CACNA1C: variants seen among roughly 807,000 people sequenced by gnomAD.
CACNA1C encodes voltage-dependent L-type calcium channel subunit alpha-1C.
A neutral mutation model predicts 229.0 loss-of-function variants in CACNA1C; 30 were observed. The ratio of observed to expected loss-of-function variants is 0.13; its 90% CI spans 0.10 to 0.18. The LOEUF (loss-of-function observed/expected upper bound fraction) is 0.18. Among genes scored for constraint, CACNA1C ranks in the 10% least tolerant of loss-of-function variants. The pLI is 1.00. For missense variants in CACNA1C, 1,658 were observed against 2,845.0 expected, an observed-to-expected ratio of 0.58 and a Z score of 9.49; for synonymous variants, 1,114 against 1,132.5, an observed-to-expected ratio of 0.98 and a Z score of 0.33.
In CACNA1C at chr12:2,679,671, C is replaced by G; in HGVS notation, c.5319C>G (p.Thr1773=). The change falls in exon 42 of 47, where the codon ACC becomes ACG. Residue 1773 remains threonine (T), a synonymous_variant. Transcript: ENST00000399655. This position sits in a 1 kb window ranked among gnomAD's most constrained non-coding sequence, Gnocchi z 5.5. ...SNANINNANN[T]ALGRLPRPAG... ...CCAACATCAACAACGCCAACAACAC[C>G]GCCCTGGGTCGCCTCCCTCGCCCCG... 6.2e-7 allele frequency: 1 copy of G among 1,613,602 alleles called. No individual in the cohort carries two copies. Among genetic ancestry groups the G allele is most frequent in the Non-Finnish European group, 8.5e-7 (1 of 1,179,696 alleles).
rs568343125 is a variant in CACNA1C, at chr12:2,661,314, C to A, written c.4233-3511C>A. On this transcript the variant is annotated intron_variant, in intron 34 of 46. Coordinates refer to ENST00000399655, the MANE Select transcript of CACNA1C (RefSeq NM_000719.7). ...ACACACACACACACACACACACACA[C>A]AAGATTTTTCTAAGAGTAGCAGACA... is the stretch of plus-strand genomic sequence containing the variant. Among the ~76,000 whole-genome samples, 16 of 143,828 alleles carry A rather than the reference C, an allele frequency of 1.1e-4. 1 individual carries two copies. Among genetic ancestry groups the A allele is most frequent in the African/African-American group, 4.1e-4 (16 of 39,152 alleles). The allele number at this position is 143,828 out of a possible 152,430, so 94.4% of individuals were successfully genotyped here. A position where few individuals can be genotyped will look rare whatever the true frequency, so the allele number is the denominator to read the frequency against.
chr12:2,407,183 C>T (rs1303219553), intron 3 of CACNA1C, among the ~76,000 whole-genome samples: 1 of 152,256 alleles, frequency 6.6e-6, no homozygotes, highest in African/African-American at 2.4e-5. Context: ...TAGACCTCCT[C>T]TGACACCACT....
At chr12:2,106,597 A>G (rs71454869) in intron 1 of CACNA1C, among the ~76,000 whole-genome samples, 32 of 80,422 alleles carry the variant, frequency 4.0e-4, no homozygotes, top group Admixed American at 5.6e-4. Context: ...CTCACCCTGG[A>G]GAGGGTTTCC....
chr12:2,112,749 A>G (rs1254465774), intron 1 of CACNA1C, among the ~76,000 whole-genome samples: 1 of 152,164 alleles, frequency 6.6e-6, no homozygotes, highest in Non-Finnish European at 1.5e-5. Flanking sequence ...GAGTGATGCC[A>G]TTCCCTGCCC....
chr12:2,559,411 T>C (rs1355641469), intron 11 of CACNA1C, among the ~76,000 whole-genome samples: 1 of 152,234 alleles, frequency 6.6e-6, no homozygotes, highest in Admixed American at 6.5e-5. Context: ...CAAACTGTGC[T>C]TTTCAACAAG....
In CACNA1C at chr12:2,608,217, T is replaced by C. The variant is rs1252447623; in HGVS notation, c.3357-294T>C. Among the ~76,000 whole-genome samples, 2 of 152,242 alleles carry C rather than the reference T, an allele frequency of 1.3e-5. No homozygotes were observed. Among genetic ancestry groups the C allele is most frequent in the African/African-American group, 4.8e-5 (2 of 41,460 alleles). ...ATCAATGTCCATGACTCATGTTACA[T>C]TTAAATAGCTCTTCACAGTTTCAAA... On this transcript the variant is annotated intron_variant, in intron 26 of 46. Transcript: ENST00000399655. The surrounding 1 kb of genome is among the most constrained non-coding windows in gnomAD (Gnocchi z 4.2).
intron 25 of CACNA1C, 58 bp from the exon 26 acceptor site, chr12:2,606,926 G>T (rs2075653223): frequency 6.3e-7 from 1 of 1,585,014 alleles, no homozygotes; most frequent in African/African-American, 1.3e-5. Flanking sequence ...TCACTGGCAG[G>T]CCAGGCGTGA....
At position 2,688,579 on chromosome 12, in the gene CACNA1C, C is replaced by A. The variant is rs774402582; in HGVS notation, c.5917C>A (p.Arg1973=). ...GCCCCCACAGCCCGTCCCCACCCTG[C>A]GGCTTGAGGGGGTCGAGTCCAGTGA... ...GWPPQPVPTL[R]LEGVESSEKL... The change falls in exon 46 of 47, where the codon CGG becomes AGG. Residue 1973 remains arginine, a synonymous_variant. Transcript: ENST00000399655. The A allele has an allele frequency of 4.0e-5, 65 of 1,613,870 alleles. No homozygotes were observed. Among genetic ancestry groups the A allele is most frequent in the Non-Finnish European group, 4.8e-5 (57 of 1,179,904 alleles).
rs887650945 is a variant in CACNA1C, at chr12:2,354,955, G to A, written c.478-94021G>A. 6.6e-6 allele frequency among the ~76,000 whole-genome samples: 1 copy of A among 151,902 alleles called. No homozygotes were observed. Among genetic ancestry groups the A allele is most frequent in the African/African-American group, 2.4e-5 (1 of 41,400 alleles). On this transcript the variant is annotated intron_variant, in intron 3 of 46. Coordinates refer to ENST00000399655, the MANE Select transcript of CACNA1C (RefSeq NM_000719.7). This position sits in a 1 kb window ranked among gnomAD's most constrained non-coding sequence, Gnocchi z 4.6. The stretch of plus-strand genomic sequence containing the variant: ...GGCTGAGCGACCTGAGTGAAATGAA[G>A]CCAAATCCTGGAGGTGCAGGTGTGA...
chr12:2,497,969 T>TCACACA (rs3058710), intron 7 of CACNA1C, among the ~76,000 whole-genome samples: 167 of 144,010 alleles, frequency 1.2e-3, no homozygotes, highest in South Asian at 3.5e-3. Flanking sequence ...TCTATTAAAT[T>TCACACA]CACACACACA....
At chr12:2,020,584 A>T (rs2046264454) in intron 1 of CACNA1C, 1 of 152,210 alleles carries the variant, frequency 6.6e-6, no homozygotes, top group East Asian at 1.9e-4. Context: ...AGAACTCTAG[A>T]TGCTGTAAAG....
intron 3 of CACNA1C, among the ~76,000 whole-genome samples, chr12:2,323,823 T>TGG (rs59375345): frequency 0.039 from 5,910 of 152,114 alleles, 266 homozygotes; most frequent in African/African-American, 0.11. Flanking sequence ...GGAGGAGCTT[T>TGG]TGGTGGGGGA....
intron 4 of CACNA1C, 45 bp downstream of exon 4, chr12:2,449,160 G>A: frequency 7.0e-7 from 1 of 1,427,176 alleles, no homozygotes; most frequent in Non-Finnish European, 9.3e-7. Context: ...TACCAGTGTT[G>A]CGGGACTTTT....
chr12:2,458,180 C>G (rs1340155428), intron 5 of CACNA1C, among the ~76,000 whole-genome samples: 1 of 152,252 alleles, frequency 6.6e-6, no homozygotes, highest in Non-Finnish European at 1.5e-5. Flanking sequence ...CCTCTCCTCC[C>G]TTCCTGTCAA....
intron 3 of CACNA1C, among the ~76,000 whole-genome samples, chr12:2,368,472 T>A (rs930933639): frequency 6.6e-6 from 1 of 152,222 alleles, no homozygotes; most frequent in African/African-American, 2.4e-5. Context: ...GTAGTTTTTA[T>A]GTACCAAAAA....
intron 3 of CACNA1C, among the ~76,000 whole-genome samples, chr12:2,316,304 T>C (rs2095686011): frequency 6.6e-6 from 1 of 152,260 alleles, no homozygotes; most frequent in Non-Finnish European, 1.5e-5. Flanking sequence ...TTTCCACATC[T>C]GTAAAATGGG....
intron 34 of CACNA1C, among the ~76,000 whole-genome samples, chr12:2,656,074 A>C (rs1353589330): frequency 6.6e-6 from 1 of 152,204 alleles, no homozygotes; most frequent in Non-Finnish European, 1.5e-5. Flanking sequence ...TATTCAACAT[A>C]ATAATACTGG....
rs1179442918 is a variant in CACNA1C at position 2,688,311 on chromosome 12, A to G, written c.5785-136A>G. 3 of 743,668 alleles carry G rather than the reference A, an allele frequency of 4.0e-6. No homozygotes were observed. The East Asian group carries it at 7.8e-5, about 19-fold the overall frequency. The allele number at this position is 743,668 out of a possible 1,614,324, so 46.1% of individuals were successfully genotyped here. A position where few individuals can be genotyped will look rare whatever the true frequency, so the allele number is the denominator to read the frequency against. ...GTTGAGATAGGACCGACAGGGGAAA[A>G]TAATGGCATGGGAATACCAGGCAGG... On this transcript the variant is annotated intron_variant, in intron 45 of 46. Transcript: ENST00000399655.
At chr12:2,458,053 G>A (rs893762772) in intron 5 of CACNA1C, among the ~76,000 whole-genome samples, 4 of 152,172 alleles carry the variant, frequency 2.6e-5, no homozygotes, top group East Asian at 1.9e-4. Flanking sequence ...GCTAATCTCC[G>A]AGGCTCCAGA....
Sources: allele counts gnomAD v4.1 joint callset (sites outside exome capture counted in the v4.1 genomes callset), GRCh38; gene constraint gnomAD v4.1.1; non-coding constraint Gnocchi (gnomAD v3.1); transcripts MANE v1.5; gene names NCBI Gene and HGNC (gene_info 2026-07-23, HGNC 2026-07-21).